The following ZNF682 variants were observed in gnomAD, a reference collection of about 807,000 sequenced individuals.
The protein encoded by ZNF682 is zinc finger protein 682.
A neutral mutation model predicts 36.5 loss-of-function variants in ZNF682; 29 were observed. The ratio of observed to expected loss-of-function variants is 0.80; its 90% confidence interval spans 0.59 to 1.08. The LOEUF is 1.08. Among genes scored for constraint, ZNF682 ranks in the 50% least tolerant of loss-of-function variants. The pLI, the probability that ZNF682 is intolerant of heterozygous loss-of-function variation, is 0.00. For missense variants in ZNF682, 561 were observed against 579.7 expected, an observed-to-expected ratio of 0.97 and a Z score of 0.33; for synonymous variants, 180 against 197.0, an observed-to-expected ratio of 0.91 and a Z score of 0.72.
intron 3 of ZNF682, among the ~76,000 whole-genome samples, chr19:20,019,262 G>A (rs532878539): frequency 6.6e-6 from 1 of 152,262 alleles, no homozygotes; most frequent in East Asian, 1.9e-4. Flanking sequence ...AAGTGTTACG[G>A]ATATGGAAAA....
At position 20,033,192 on chromosome 19, in the gene ZNF682, G is replaced by A. The variant is rs998716728; in HGVS notation, c.3+6151C>T. 4.6e-5 allele frequency among the ~76,000 whole-genome samples: 7 copies of A among 152,146 alleles called. 1 individual carries two copies. The highest frequency in any genetic ancestry group is 4.6e-4 in the Admixed American group (7 of 15,282). On this transcript the variant is annotated intron_variant, in intron 1 of 3. Transcript: ENST00000397165. Reference sequence around the variant, plus strand: ...TGAGGCAGAGGCAGGAGAATCACTTGAACCTGGGAGGTGGAGGTTGCGGTG... The same window carrying A: ...TGAGGCAGAGGCAGGAGAATCACTTAAACCTGGGAGGTGGAGGTTGCGGTG...
intron 3 of ZNF682, among the ~76,000 whole-genome samples, chr19:19,998,422 G>A (rs1470944504): frequency 1.3e-5 from 2 of 152,190 alleles, no homozygotes; most frequent in African/African-American, 4.8e-5. Flanking sequence ...GCCTGAGACA[G>A]AGAAGCAGAA....
At chr19:20,039,194 T>C (rs2088561499) in intron 1 of ZNF682, 149 bp downstream of exon 1, 3 of 1,413,214 alleles carry the variant, frequency 2.1e-6, no homozygotes, top group Non-Finnish European at 2.8e-6. Flanking sequence ...TGCCCGGAGG[T>C]GATCGACGGC....
chr19:20,024,228 T>C, intron 2 of ZNF682, 22 bp downstream of exon 2: 1 of 1,612,050 alleles, frequency 6.2e-7, no homozygotes. Context: ...AAATAGAAAT[T>C]GTGTATTGAA....
At chr19:20,027,559 T>C (rs959433619) in intron 1 of ZNF682, among the ~76,000 whole-genome samples, 1 of 152,098 alleles carries the variant, frequency 6.6e-6, no homozygotes, top group African/African-American at 2.4e-5. Context: ...CGGGAGTTTG[T>C]GACCAGGCTG....
chr19:20,003,704 CA>C (rs200490998), downstream of ZNF682, among the ~76,000 whole-genome samples: 11,333 of 98,348 alleles, frequency 0.12, 572 homozygotes, highest in East Asian at 0.24. Flanking sequence ...GACTCCGTCT[CA>C]AAAAAAAAAA....
intron 1 of ZNF682, among the ~76,000 whole-genome samples, chr19:20,034,817 T>C (rs954402496): frequency 2.0e-5 from 3 of 149,042 alleles, no homozygotes; most frequent in Admixed American, 1.3e-4. Flanking sequence ...AAAAATAAGG[T>C]CAGGCCCGGT....
intron 3 of ZNF682, among the ~76,000 whole-genome samples, chr19:20,014,809 A>G (rs1488288476): frequency 6.6e-6 from 1 of 151,858 alleles, no homozygotes; most frequent in African/African-American, 2.4e-5. Flanking sequence ...GAAATCTTCT[A>G]ACATGTACGA....
intron 1 of ZNF682, among the ~76,000 whole-genome samples, chr19:20,027,869 G>A (rs187989329): frequency 5.3e-5 from 8 of 151,942 alleles, no homozygotes; most frequent in Admixed American, 1.3e-4. Flanking sequence ...AGCCAAGATC[G>A]CGCCACTGCA....
intron 3 of ZNF682, among the ~76,000 whole-genome samples, chr19:19,998,430 G>A (rs2088141196): frequency 6.6e-6 from 1 of 152,196 alleles, no homozygotes; most frequent in African/African-American, 2.4e-5. Flanking sequence ...CAGAGAAGCA[G>A]AAGGATGGAG....
At position 20,039,151 on chromosome 19, in the gene ZNF682, AG is replaced by A. The variant is rs2088561151; in HGVS notation, c.3+191del. The A allele has an allele frequency of 6.4e-6, 9 of 1,396,682 alleles. No individual in the cohort carries two copies. In the Admixed American group the frequency reaches 1.7e-4, roughly 27 times the overall value. The allele number at this position is 1,396,682 out of a possible 1,614,324, so 86.5% of individuals were successfully genotyped here. ...GGAGAACGGAACGGGATGCCCGCCC[AG>A]GGTCCCGGCTGCTGGCCCACCTCGC... On this transcript the variant is annotated intron_variant, in intron 1 of 3. Coordinates refer to ENST00000397165, the MANE Select transcript of ZNF682 (RefSeq NM_033196.3).
rs2088204896 is a variant in ZNF682 at position 20,005,432 on chromosome 19, C to T, written c.*573G>A. On this transcript the variant is annotated 3_prime_UTR_variant, in exon 4 of 4. Coordinates refer to ENST00000397165, the MANE Select transcript of ZNF682 (RefSeq NM_033196.3). ...CATATTCATTACAGTTGTAGGGTTT[C>T]TTTCCAATGTAAATTATCTAAAATG... The T allele has an allele frequency of 6.6e-6, 1 of 152,424 alleles. No individual in the cohort carries two copies. Among genetic ancestry groups the T allele is most frequent in the African/African-American group, 2.4e-5 (1 of 41,396 alleles). 9.4% of individuals were successfully genotyped at this position (152,424 alleles called of 1,614,324 possible). A position where few individuals can be genotyped will look rare whatever the true frequency, so the allele number is the denominator to read the frequency against.
chr19:20,025,620 T>A (rs1216615064), intron 1 of ZNF682, among the ~76,000 whole-genome samples: 1 of 150,002 alleles, frequency 6.7e-6, no homozygotes, highest in Non-Finnish European at 1.5e-5. Context: ...GAGATTGCAG[T>A]GAGCCAAGAT....
chr19:20,031,887 G>A (rs889365106), intron 1 of ZNF682, among the ~76,000 whole-genome samples: 7 of 152,078 alleles, frequency 4.6e-5, no homozygotes, highest in East Asian at 1.9e-4. Flanking sequence ...AAAGTGGGCC[G>A]ATAAAAAGTT....
chr19:20,026,315 T>C (rs2122370702), intron 1 of ZNF682, among the ~76,000 whole-genome samples: 2 of 148,000 alleles, frequency 1.4e-5, no homozygotes, highest in East Asian at 2.0e-4. Flanking sequence ...AAAAAAAACA[T>C]CCTGTTTCTG....
intron 1 of ZNF682, among the ~76,000 whole-genome samples, chr19:20,034,609 T>C (rs377328441): frequency 1.2e-4 from 15 of 124,792 alleles, no homozygotes; most frequent in Admixed American, 9.1e-4. Context: ...TGAAACCACC[T>C]CTCTACTAAA....
chr19:19,999,165 A>C (rs1045413432), intron 3 of ZNF682, among the ~76,000 whole-genome samples: 1 of 152,136 alleles, frequency 6.6e-6, no homozygotes, highest in African/African-American at 2.4e-5. Flanking sequence ...CTGATCCCAC[A>C]TTTCCAACCC....
At chr19:20,009,347 A>C (rs2088261233) in intron 3 of ZNF682, among the ~76,000 whole-genome samples, 1 of 152,194 alleles carries the variant, frequency 6.6e-6, no homozygotes, top group South Asian at 2.1e-4. Flanking sequence ...TCACTACAAA[A>C]AAACAAAGCT....
At chr19:20,015,045 A>G (rs922680922) in intron 3 of ZNF682, 1 of 267,230 alleles carries the variant, frequency 3.7e-6, no homozygotes, top group Non-Finnish European at 5.8e-6. Flanking sequence ...CGACAATGTC[A>G]ATATACCCAA....
Sources: gnomAD v4.1 joint callset for allele counts (sites outside exome capture counted in the v4.1 genomes callset) on GRCh38, gnomAD v4.1.1 for gene constraint, MANE v1.5 for transcripts, NCBI Gene and HGNC (gene_info 2026-07-23, HGNC 2026-07-21) for gene names.